PPP1R21: variants seen among roughly 807,000 people sequenced by gnomAD.
The protein encoded by PPP1R21 is protein phosphatase 1 regulatory subunit 21.
A neutral mutation model predicts 112.8 loss-of-function variants in PPP1R21; 85 were observed. That is an observed-to-expected ratio of 0.75 (90% CI 0.63 to 0.90). The LOEUF is 0.90. PPP1R21 is among the 40% of genes least tolerant of loss of function. PPP1R21 has a pLI of 0.00. For synonymous variants in PPP1R21, 381 were observed against 322.3 expected, an observed-to-expected ratio of 1.18 and a Z score of -1.95; for missense variants, 1,199 against 901.5, an observed-to-expected ratio of 1.33 and a Z score of -4.23.
intron 1 of PPP1R21, among the ~76,000 whole-genome samples, chr2:48,445,059 G>A (rs1228704584): frequency 6.6e-6 from 1 of 151,694 alleles, no homozygotes. Context: ...AACAGGACTT[G>A]GCAGTACCTG....
intron 9 of PPP1R21, among the ~76,000 whole-genome samples, chr2:48,469,554 G>T (rs116342483): frequency 0.24 from 11,746 of 49,654 alleles, 2,052 homozygotes; most frequent in African/African-American, 0.38. Context: ...TATATATATA[G>T]AGAGAGAGAG....
rs1175324243 is a variant in PPP1R21 at position 48,505,601 on chromosome 2, C to T, written c.1968+5C>T. On this transcript the variant is annotated splice_donor_5th_base_variant and intron_variant, in intron 18 of 21. Coordinates refer to ENST00000294952, the MANE Select transcript of PPP1R21 (RefSeq NM_001135629.3). ...ACCAGGACATCTGACAGTGAGGTAA[C>T]ATGTGCTTGTCATCATGTTGTTTGT... The T allele has an allele frequency of 6.5e-7, 1 of 1,548,944 alleles. No homozygotes were observed. Among genetic ancestry groups the T allele is most frequent in the South Asian group, 1.2e-5 (1 of 83,962 alleles).
intron 9 of PPP1R21, among the ~76,000 whole-genome samples, chr2:48,470,347 G>A (rs1166316964): frequency 1.3e-5 from 2 of 151,960 alleles, no homozygotes; most frequent in South Asian, 2.1e-4. Context: ...GTGAAAGCCC[G>A]TCTCTACTAA....
chr2:48,507,140 G>A (rs1008950357), intron 18 of PPP1R21, 129 bp from the exon 19 acceptor site: 11 of 1,314,882 alleles, frequency 8.4e-6, no homozygotes, highest in Non-Finnish European at 1.1e-5. Flanking sequence ...CGAGGGGGTA[G>A]GAAAACAGTG....
intron 1 of PPP1R21, among the ~76,000 whole-genome samples, chr2:48,450,110 A>G (rs543709239): frequency 6.6e-6 from 1 of 152,340 alleles, no homozygotes; most frequent in Non-Finnish European, 1.5e-5. Flanking sequence ...ATCTGTGAAA[A>G]AAAGCCCAAG....
chr2:48,473,290 C>T (rs1235341282), intron 11 of PPP1R21, among the ~76,000 whole-genome samples: 1 of 151,676 alleles, frequency 6.6e-6, no homozygotes, highest in African/African-American at 2.4e-5. Context: ...TGTTATAGTT[C>T]TGTATAAAGA....
rs142364482 is a variant in PPP1R21 at position 48,498,603 on chromosome 2, A to C, written c.1803A>C (p.Ala601=). 1.6e-5 allele frequency: 26 copies of C among 1,614,238 alleles called. No individual in the cohort carries two copies. In the African/African-American group the frequency reaches 3.1e-4, roughly 19 times the overall value. Residue 601 remains alanine, a synonymous_variant, in exon 17 of 22, where the codon GCA becomes GCC. Transcript: ENST00000294952. ...IKLEKENQRI[A]DKLKNTGSAQ... ...TAGAGAAAGAAAACCAGCGAATTGC[A>C]GATAAGCTGAAGAATACAGGTAGTG...
chr2:48,479,825 A>G (rs1039203970), intron 12 of PPP1R21, 99 bp from the exon 13 acceptor site: 5 of 793,240 alleles, frequency 6.3e-6, no homozygotes, highest in Middle Eastern at 4.6e-4. Context: ...CTAGCACATT[A>G]CAACCAATCT....
intron 2 of PPP1R21, among the ~76,000 whole-genome samples, chr2:48,454,242 T>C (rs997668389): frequency 6.6e-6 from 1 of 151,926 alleles, no homozygotes; most frequent in Non-Finnish European, 1.5e-5. Flanking sequence ...GCCTGGGCAA[T>C]AGAGCGAGAC....
intron 14 of PPP1R21, among the ~76,000 whole-genome samples, chr2:48,488,409 C>T (rs1669407256): frequency 6.6e-6 from 1 of 151,380 alleles, no homozygotes; most frequent in Non-Finnish European, 1.5e-5. Flanking sequence ...CTCTGTTGCC[C>T]AGGTTGGAGT....
At chr2:48,514,505 G>T (rs534748851) in intron 21 of PPP1R21, among the ~76,000 whole-genome samples, 1 of 152,178 alleles carries the variant, frequency 6.6e-6, no homozygotes, top group Admixed American at 6.5e-5. Flanking sequence ...AGAGGGATAG[G>T]GTCTGTGGAA....
chr2:48,512,084 T>C (rs554559178), intron 21 of PPP1R21, among the ~76,000 whole-genome samples: 1 of 152,186 alleles, frequency 6.6e-6, no homozygotes, highest in Non-Finnish European at 1.5e-5. Context: ...TAGGAAAGGA[T>C]TGCTCTTTGT....
At chr2:48,441,840 C>A (rs1242300831) in intron 1 of PPP1R21, among the ~76,000 whole-genome samples, 1 of 152,204 alleles carries the variant, frequency 6.6e-6, no homozygotes, top group Non-Finnish European at 1.5e-5. Context: ...AGTCATTAAG[C>A]TTAGTTTTCA....
chr2:48,487,164 T>C (rs887151298), intron 14 of PPP1R21, among the ~76,000 whole-genome samples: 1 of 152,178 alleles, frequency 6.6e-6, no homozygotes, highest in Non-Finnish European at 1.5e-5. Context: ...AGTCTCAATA[T>C]AGATCGTTGT....
chr2:48,504,947 T>G (rs981025273), intron 17 of PPP1R21, among the ~76,000 whole-genome samples: 4 of 152,102 alleles, frequency 2.6e-5, no homozygotes, highest in African/African-American at 7.2e-5. Context: ...TAAGCTATGA[T>G]TGCACCAATG....
chr2:48,442,200 C>G (rs1667060355), intron 1 of PPP1R21, among the ~76,000 whole-genome samples: 1 of 152,168 alleles, frequency 6.6e-6, no homozygotes, highest in Non-Finnish European at 1.5e-5. Flanking sequence ...TGGAACAAAT[C>G]CATGTGATGA....
chr2:48,458,873 A>G (rs1165710286), intron 4 of PPP1R21, among the ~76,000 whole-genome samples: 2 of 152,094 alleles, frequency 1.3e-5, no homozygotes, highest in Non-Finnish European at 1.5e-5. Context: ...TGGGCGGATC[A>G]CGAGGTCAGG....
intron 2 of PPP1R21, 139 bp downstream of exon 2, chr2:48,451,215 T>A: frequency 1.5e-6 from 1 of 645,908 alleles, no homozygotes; most frequent in South Asian, 1.9e-5. Flanking sequence ...TACAGTCTTT[T>A]GTGGTTAATT....
intron 2 of PPP1R21, among the ~76,000 whole-genome samples, chr2:48,453,814 G>A (rs1429625679): frequency 6.6e-6 from 1 of 152,194 alleles, no homozygotes; most frequent in African/African-American, 2.4e-5. Flanking sequence ...TGATATGTCA[G>A]AATAGTTGAA....
Sources: gnomAD v4.1 joint callset for allele counts (sites outside exome capture counted in the v4.1 genomes callset) on GRCh38, gnomAD v4.1.1 for gene constraint, MANE v1.5 for transcripts, NCBI Gene and HGNC (gene_info 2026-07-23, HGNC 2026-07-21) for gene names.